The following CUBN variants were observed in gnomAD, a reference collection of about 807,000 sequenced individuals.
CUBN encodes 460 kDa receptor.
CUBN carries 282 observed loss-of-function variants against 405.3 expected under a neutral mutation model. The ratio of observed to expected loss-of-function variants is 0.70; its 90% confidence interval spans 0.63 to 0.77. CUBN has a LOEUF of 0.77. CUBN is among the 30% of genes least tolerant of loss of function. The pLI, the probability that CUBN is intolerant of heterozygous loss-of-function variation, is 0.00. For synonymous variants in CUBN, 1,684 were observed against 1,617.0 expected (o/e 1.04, Z -0.99); for missense variants, 4,514 against 4,475.2 (o/e 1.01, Z -0.25).
At chr10:17,021,497 G>C (rs2131786376) in intron 27 of CUBN, among the ~76,000 whole-genome samples, 2 of 152,248 alleles carry the variant, frequency 1.3e-5, no homozygotes, top group South Asian at 4.1e-4. Flanking sequence ...TAAAATACCT[G>C]GTAATGGACT....
chr10:16,940,141 T>C lies in CUBN; in HGVS notation c.5439A>G (p.Gly1813=). Residue 1813 remains glycine, a synonymous_variant, in exon 37 of 67, where the codon GGA becomes GGG. Coordinates refer to ENST00000377833, the MANE Select transcript of CUBN (RefSeq NM_001081.4). ...ATGHLVGRYC[G]NSFPLNYSSI... is the part of the protein sequence containing the mutation. ...AAGAATAATTGAGAGGGAAGGAGTT[T>C]CCACAGTATCGTCCCACCAAGTGAC... is the stretch of plus-strand genomic sequence containing the variant. The C allele has an allele frequency of 6.2e-7, 1 of 1,614,080 alleles. No individual in the cohort carries two copies. Among genetic ancestry groups the C allele is most frequent in the South Asian group, 1.1e-5 (1 of 91,080 alleles).
chr10:17,090,429 CAT>C (rs754932836), intron 14 of CUBN, among the ~76,000 whole-genome samples: 1 of 151,702 alleles, frequency 6.6e-6, no homozygotes, highest in Non-Finnish European at 1.5e-5. Context: ...CTAGACCTCT[CAT>C]AATCTACCAT....
At position 16,950,114 on chromosome 10, in the gene CUBN, G is replaced by A. The variant is rs1197905780; in HGVS notation, c.4970-3C>T. Reference sequence around the variant, plus strand: ...AAAAGAGAGGGTGATATGATTTACTGGAAGAAAAAAGAGAAGACTCTCTCG... The same window carrying A: ...AAAAGAGAGGGTGATATGATTTACTAGAAGAAAAAAGAGAAGACTCTCTCG... On this transcript the variant is annotated splice_region_variant and splice_polypyrimidine_tract_variant and intron_variant, in intron 33 of 66. Coordinates refer to ENST00000377833, the MANE Select transcript of CUBN (RefSeq NM_001081.4). The A allele has an allele frequency of 1.9e-6, 3 of 1,606,516 alleles. No homozygotes were observed. In the Middle Eastern group the frequency reaches 5.0e-4, roughly 266 times the overall value.
At chr10:16,835,968 TA>T (rs1268681838) in intron 63 of CUBN, among the ~76,000 whole-genome samples, 9 of 152,342 alleles carry the variant, frequency 5.9e-5, no homozygotes, top group Middle Eastern at 3.4e-3. Context: ...ATAATTGGCA[TA>T]TTTTTAAAAT....
chr10:16,943,179 C>G (rs1307655768), intron 36 of CUBN, among the ~76,000 whole-genome samples: 1 of 152,156 alleles, frequency 6.6e-6, no homozygotes, highest in African/African-American at 2.4e-5. Flanking sequence ...CTGCTCTAAC[C>G]TAGCTCTCAA....
chr10:17,047,393 G>T, intron 23 of CUBN, 21 bp downstream of exon 23: 1 of 1,539,272 alleles, frequency 6.5e-7, no homozygotes, highest in Non-Finnish European at 9.0e-7. Flanking sequence ...AGATTATAAT[G>T]AAATAAATAA....
chr10:16,912,845 G>A (rs1338197990), intron 48 of CUBN, among the ~76,000 whole-genome samples: 1 of 152,196 alleles, frequency 6.6e-6, no homozygotes, highest in Non-Finnish European at 1.5e-5. Context: ...TGAGTTAGAT[G>A]AGAAGCCATT....
At chr10:17,023,180 C>G (rs1834547360) in intron 27 of CUBN, among the ~76,000 whole-genome samples, 1 of 138,852 alleles carries the variant, frequency 7.2e-6, no homozygotes, top group Non-Finnish European at 1.6e-5. Flanking sequence ...TTTAATAACA[C>G]ATTGTAAAAG....
At chr10:16,839,418 C>A (rs1424582414) in intron 62 of CUBN, among the ~76,000 whole-genome samples, 1 of 152,022 alleles carries the variant, frequency 6.6e-6, no homozygotes, top group Non-Finnish European at 1.5e-5. Flanking sequence ...TATGAACAGA[C>A]ACTTCTCAAA....
chr10:16,973,585 C>A (rs1369685616), intron 31 of CUBN, among the ~76,000 whole-genome samples: 1 of 150,280 alleles, frequency 6.7e-6, no homozygotes, highest in Non-Finnish European at 1.5e-5. Context: ...TCTATTTTGT[C>A]ACCCAGGTAA....
intron 31 of CUBN, among the ~76,000 whole-genome samples, chr10:16,979,178 C>G (rs1246879783): frequency 6.6e-6 from 1 of 152,068 alleles, no homozygotes; most frequent in Non-Finnish European, 1.5e-5. Context: ...AACCACTGCT[C>G]AAGGAAATAA....
At chr10:17,061,653 G>A (rs1434796841) in intron 22 of CUBN, among the ~76,000 whole-genome samples, 1 of 152,118 alleles carries the variant, frequency 6.6e-6, no homozygotes, top group Non-Finnish European at 1.5e-5. Context: ...CCCTGCCCTG[G>A]GAAGGAGGGA....
intron 28 of CUBN, among the ~76,000 whole-genome samples, chr10:17,013,709 T>G (rs547421538): frequency 2.6e-5 from 4 of 152,358 alleles, no homozygotes; most frequent in African/African-American, 4.8e-5. Context: ...ACATTTATTC[T>G]TTTTCCCTTT....
intron 26 of CUBN, 88 bp downstream of exon 26, chr10:17,043,735 ATACT>A (rs1287189772): frequency 1.9e-6 from 3 of 1,562,616 alleles, no homozygotes; most frequent in South Asian, 2.2e-5. Context: ...GCGAGTATAC[ATACT>A]TACTCTGCCA....
chr10:16,980,385 T>C (rs1330724939), intron 31 of CUBN, among the ~76,000 whole-genome samples: 1 of 152,196 alleles, frequency 6.6e-6, no homozygotes, highest in African/African-American at 2.4e-5. Flanking sequence ...TAAAGAGAGA[T>C]GCACACGTAT....
At chr10:16,914,893 C>A in intron 47 of CUBN, 139 bp downstream of exon 47, 4 of 750,906 alleles carry the variant, frequency 5.3e-6, no homozygotes, top group Non-Finnish European at 9.2e-6. Context: ...TCATTTATCA[C>A]TGTGAATTTC....
At position 16,913,813 on chromosome 10, in the gene CUBN, T is replaced by A. The variant is rs374034222; in HGVS notation, c.7531A>T (p.Ile2511Leu). ...THPSCNNEHV[I>L]VFNGIRSNSP... is the part of the protein sequence containing the mutation. ...CTCAGGCGGCAGGGAACACTTACTA[T>A]CACATGCTCATTGTTGCAGGACGGA... Residue 2511 changes from isoleucine to leucine, a missense_variant and splice_region_variant, in exon 48 of 67, where the codon ATA becomes TTA. Ile to Leu is a conservative substitution (Grantham distance 5). Around this residue, in one of 5 missense-constraint regions of CUBN, gnomAD observed 1,613 missense variants for 1,542.8 expected, o/e 1.05. Transcript: ENST00000377833. 1 of 1,613,248 alleles carries A rather than the reference T, an allele frequency of 6.2e-7. No individual in the cohort carries two copies. The highest frequency in any genetic ancestry group is 1.3e-5 in the African/African-American group (1 of 74,884).
At chr10:17,128,104 A>G (rs1837242428) in intron 2 of CUBN, among the ~76,000 whole-genome samples, 180 bp from the exon 3 acceptor site, 1 of 152,232 alleles carries the variant, frequency 6.6e-6, no homozygotes, top group African/African-American at 2.4e-5. Flanking sequence ...TAGCCACAGC[A>G]TAATTCCACT....
chr10:16,977,351 G>C (rs1348222364), intron 31 of CUBN, among the ~76,000 whole-genome samples: 1 of 152,082 alleles, frequency 6.6e-6, no homozygotes, highest in Non-Finnish European at 1.5e-5. Context: ...TAGACAAGCA[G>C]ATGAGCAGAT....
Sources: allele counts gnomAD v4.1 joint callset (sites outside exome capture counted in the v4.1 genomes callset), GRCh38; gene constraint gnomAD v4.1.1; regional missense constraint gnomAD v4.1.1; transcripts MANE v1.5; gene names NCBI Gene and HGNC (gene_info 2026-07-23, HGNC 2026-07-21).